Variants in DPP10 observed in about 807,000 individuals in gnomAD.
DPP10 encodes inactive dipeptidyl peptidase 10.
A neutral mutation model predicts 120.9 loss-of-function variants in DPP10; 33 were observed. The ratio of observed to expected loss-of-function variants is 0.27; its 90% CI spans 0.21 to 0.37. The LOEUF (loss-of-function observed/expected upper bound fraction) is 0.37, where lower values mean the gene tolerates loss of function less well. Among genes scored for constraint, DPP10 ranks in the 10% least tolerant of loss-of-function variants. The pLI is 1.00. For missense variants in DPP10, 816 were observed against 942.8 expected (o/e 0.87, Z 1.76); for synonymous variants, 337 against 326.1 (o/e 1.03, Z -0.36).
At chr2:115,227,041 A>G (rs1302980342) in intron 1 of DPP10, among the ~76,000 whole-genome samples, 2 of 152,184 alleles carry the variant, frequency 1.3e-5, no homozygotes, top group African/African-American at 4.8e-5. Context: ...TTCCATATAA[A>G]TAGCTATGTT....
intron 1 of DPP10, among the ~76,000 whole-genome samples, chr2:115,288,312 G>A (rs2060489072): frequency 6.6e-6 from 1 of 150,920 alleles, no homozygotes; most frequent in Non-Finnish European, 1.5e-5. Flanking sequence ...TGTGTTTCTT[G>A]GCCATTTGTA....
intron 3 of DPP10, among the ~76,000 whole-genome samples, chr2:115,435,906 A>G (rs1256418360): frequency 1.3e-5 from 2 of 152,054 alleles, no homozygotes; most frequent in African/African-American, 2.4e-5. Context: ...ATTCTTCTGC[A>G]TATGTATATC....
chr2:115,320,915 C>T (rs932872306), intron 2 of DPP10, among the ~76,000 whole-genome samples: 12 of 152,138 alleles, frequency 7.9e-5, no homozygotes, highest in African/African-American at 1.9e-4. Flanking sequence ...CAAACTCCCT[C>T]AGCTTTCCTC....
intron 1 of DPP10, among the ~76,000 whole-genome samples, chr2:114,894,847 G>A (rs1409427073): frequency 1.3e-5 from 2 of 151,954 alleles, no homozygotes; most frequent in Non-Finnish European, 2.9e-5. Context: ...CAAAATAATT[G>A]ATTAAGGAAT....
At chr2:115,423,512 C>G (rs557653272) in intron 3 of DPP10, among the ~76,000 whole-genome samples, 2 of 152,174 alleles carry the variant, frequency 1.3e-5, no homozygotes, top group Admixed American at 1.3e-4. Flanking sequence ...ATAGAGAGAG[C>G]TGTTTCTGTC....
At chr2:114,458,127 T>A (rs900066927) in intron 1 of DPP10, among the ~76,000 whole-genome samples, 2 of 149,914 alleles carry the variant, frequency 1.3e-5, no homozygotes, top group Non-Finnish European at 2.9e-5. Context: ...TCCAGAACAG[T>A]CATCTTCTTG....
chr2:115,359,093 A>T (rs1298292947), intron 3 of DPP10, among the ~76,000 whole-genome samples: 2 of 152,188 alleles, frequency 1.3e-5, no homozygotes, highest in Non-Finnish European at 2.9e-5. Context: ...CCAACTTGCC[A>T]CACTGTAGCT....
intron 1 of DPP10, among the ~76,000 whole-genome samples, chr2:114,785,155 T>C (rs1406725286): frequency 6.6e-6 from 1 of 152,214 alleles, no homozygotes; most frequent in African/African-American, 2.4e-5. Flanking sequence ...CCTCCTGTTC[T>C]ATTTTTGAGA....
rs1198131825 is a variant in DPP10, at chr2:115,843,378, CA to C, written c.*1037del. ...CTCTTTTGGTGGAGAAGGCTTTTTTCAAAACTCTTGGTCCTTTTACTTCTTT... is the reference window on the plus strand; with the variant it reads ...CTCTTTTGGTGGAGAAGGCTTTTTTCAAACTCTTGGTCCTTTTACTTCTTT... On this transcript the variant is annotated 3_prime_UTR_variant, in exon 26 of 26. Transcript: ENST00000410059. 6.6e-6 allele frequency: 1 copy of C among 152,480 alleles called. No homozygotes were observed. Among genetic ancestry groups the C allele is most frequent in the East Asian group, 1.9e-4 (1 of 5,196 alleles). 9.4% of individuals were successfully genotyped at this position (152,480 alleles called of 1,614,324 possible).
At chr2:114,537,485 C>A (rs1409255112) in intron 1 of DPP10, among the ~76,000 whole-genome samples, 1 of 151,828 alleles carries the variant, frequency 6.6e-6, no homozygotes, top group East Asian at 1.9e-4. Context: ...CACCACGTAT[C>A]AAATAGAGAA....
chr2:115,506,932 T>C (rs2076975484), intron 4 of DPP10, among the ~76,000 whole-genome samples: 1 of 152,082 alleles, frequency 6.6e-6, no homozygotes, highest in African/African-American at 2.4e-5. Context: ...GACTATAACC[T>C]GTGTCATCAT....
intron 1 of DPP10, among the ~76,000 whole-genome samples, chr2:115,108,161 T>C (rs2049040927): frequency 1.3e-5 from 2 of 152,182 alleles, no homozygotes; most frequent in Non-Finnish European, 2.9e-5. Context: ...CTATTCCTAA[T>C]ATGTATGTAT....
chr2:115,495,365 GA>G (rs3039998), intron 3 of DPP10, among the ~76,000 whole-genome samples: 2,552 of 82,204 alleles, frequency 0.031, 100 homozygotes, highest in African/African-American at 0.11. Flanking sequence ...GCCATTTTCT[GA>G]AAAAAAAAAA....
chr2:115,699,532 G>T (rs1172881147), intron 7 of DPP10, among the ~76,000 whole-genome samples: 1 of 152,142 alleles, frequency 6.6e-6, no homozygotes, highest in Non-Finnish European at 1.5e-5. Context: ...AACCTGGGAG[G>T]CAGAGGTTGC....
intron 7 of DPP10, among the ~76,000 whole-genome samples, chr2:115,697,928 G>A (rs1575551501): frequency 6.6e-6 from 1 of 152,270 alleles, no homozygotes; most frequent in Non-Finnish European, 1.5e-5. Flanking sequence ...CTTGCAGTGA[G>A]CCGAGATGTG....
intron 1 of DPP10, among the ~76,000 whole-genome samples, chr2:114,919,695 C>T (rs971840996): frequency 6.6e-6 from 1 of 152,160 alleles, no homozygotes; most frequent in African/African-American, 2.4e-5. Context: ...GAAAACACCT[C>T]AATATTTCAC....
chr2:115,700,787 A>G (rs1333560731), intron 7 of DPP10, among the ~76,000 whole-genome samples: 1 of 152,156 alleles, frequency 6.6e-6, no homozygotes, highest in African/African-American at 2.4e-5. Flanking sequence ...TTGTAAGTCT[A>G]TACAATAACT....
chr2:115,191,104 A>G (rs2054849289), intron 1 of DPP10, among the ~76,000 whole-genome samples: 1 of 152,200 alleles, frequency 6.6e-6, no homozygotes, highest in South Asian at 2.1e-4. Context: ...ACGAAGGGGA[A>G]GAACTCTGGG....
chr2:115,740,312 A>G (rs1418803763), intron 9 of DPP10, among the ~76,000 whole-genome samples: 2 of 152,098 alleles, frequency 1.3e-5, no homozygotes, highest in African/African-American at 2.4e-5. Flanking sequence ...CTTCTTTCAG[A>G]TGATTTCTTA....
Sources: gnomAD v4.1 joint callset for allele counts (sites outside exome capture counted in the v4.1 genomes callset) on GRCh38, gnomAD v4.1.1 for gene constraint, MANE v1.5 for transcripts, NCBI Gene and HGNC (gene_info 2026-07-23, HGNC 2026-07-21) for gene names.